Variants in CENPI observed in about 807,000 individuals in gnomAD.
CENPI encodes the protein FSH primary response 1.
A neutral mutation model predicts 60.4 loss-of-function variants in CENPI; 4 were observed. The observed-to-expected ratio is 0.07, with a 90% CI of 0.03 to 0.15. CENPI has a LOEUF of 0.15. Ranked by LOEUF, CENPI falls within the 10% of genes least tolerant of loss-of-function variation. The pLI, the probability that CENPI is intolerant of heterozygous loss-of-function variation, is 1.00. For missense variants in CENPI, 444 were observed against 534.5 expected (o/e 0.83, Z 1.67); for synonymous variants, 157 against 189.4 (o/e 0.83, Z 1.40).
intron 4 of CENPI, among the ~76,000 whole-genome samples, chrX:101,106,512 G>A (rs1263937975): frequency 9.2e-6 from 1 of 108,404 alleles, no homozygotes; most frequent in East Asian, 2.9e-4. Context: ...CGCCTCCCGG[G>A]TTCAAGCGAT....
chrX:101,105,548 T>C (rs938560435), intron 4 of CENPI, among the ~76,000 whole-genome samples: 1 of 111,406 alleles, frequency 9.0e-6, no homozygotes, highest in African/African-American at 3.3e-5. Flanking sequence ...AAAAACAACA[T>C]GTATGGAGTA....
chrX:101,140,057 C>T (rs1359762134), intron 15 of CENPI, among the ~76,000 whole-genome samples: 3 of 110,997 alleles, frequency 2.7e-5, no homozygotes, highest in African/African-American at 6.5e-5. Flanking sequence ...AGGATGGTCT[C>T]GATCTGCTGA....
chrX:101,108,647 A>G (rs1439803631), intron 4 of CENPI, among the ~76,000 whole-genome samples: 1 of 82,716 alleles, frequency 1.2e-5, no homozygotes, highest in African/African-American at 4.5e-5. Flanking sequence ...TTTGCCTTAT[A>G]GTTTTTTTTT....
At chrX:101,139,992 G>T (rs1042895316) in intron 15 of CENPI, among the ~76,000 whole-genome samples, 1 of 110,125 alleles carries the variant, frequency 9.1e-6, no homozygotes, top group African/African-American at 3.3e-5. Flanking sequence ...CCGCCACCAC[G>T]CCTGGCTAAT....
At chrX:101,158,272 C>CT (rs35564589) in intron 20 of CENPI, among the ~76,000 whole-genome samples, 2,625 of 65,809 alleles carry the variant, frequency 0.04, 160 homozygotes, top group African/African-American at 0.12. Context: ...GGCAGTATGG[C>CT]TTTTTTTTTT....
chrX:101,115,114 C>T (rs182736178), intron 6 of CENPI, among the ~76,000 whole-genome samples: 213 of 109,262 alleles, frequency 1.9e-3, no homozygotes, highest in Middle Eastern at 0.014. Context: ...CAGGCCTGCA[C>T]CACCACGCCT....
rs142009405 is a variant in CENPI at position 101,148,092 on chromosome X, A to G, written c.2025A>G (p.Glu675=). The G allele has an allele frequency of 3.1e-5, 37 of 1,181,256 alleles. No individual in the cohort carries two copies. In the African/African-American group the frequency reaches 6.5e-4, roughly 21 times the overall value. ...TCCTAGAAAAAACTGGAGTGGCTGAATATAAAAACAGTTTAAATGTAGTCC... is the reference window on the plus strand; with the variant it reads ...TCCTAGAAAAAACTGGAGTGGCTGAGTATAAAAACAGTTTAAATGTAGTCC... ...PEILEKTGVA[E]YKNSLNVVHH... The change falls in exon 20 of 22, where the codon GAA becomes GAG. Residue 675 remains glutamate, a synonymous_variant. Transcript: ENST00000682095.
Position 101,150,108 on chromosome X carries a change from T to C in CENPI, c.2094+1947T>C, listed in dbSNP as rs147778280. Among the ~76,000 whole-genome samples, 45 of 109,456 alleles carry C rather than the reference T, an allele frequency of 4.1e-4. No individual in the cohort carries two copies. In the East Asian group the frequency reaches 6.5e-3, roughly 16 times the overall value. ...TTTCAGAGACATTATAGTGATTTTCTGATATTTCTTGTCTTTTTCTCTTTT... is the reference window on the plus strand; with the variant it reads ...TTTCAGAGACATTATAGTGATTTTCCGATATTTCTTGTCTTTTTCTCTTTT... On this transcript the variant is annotated intron_variant, in intron 20 of 21. Coordinates refer to ENST00000682095, the MANE Select transcript of CENPI (RefSeq NM_001386188.2).
chrX:101,100,376 G>A (rs1267758364), intron 2 of CENPI: 1 of 111,131 alleles, frequency 9.0e-6, no homozygotes, highest in African/African-American at 3.3e-5. Context: ...GGGGAAAATA[G>A]GAGTGGAGAA....
intron 4 of CENPI, 111 bp from the exon 5 acceptor site, chrX:101,109,362 T>G: frequency 2.0e-5 from 12 of 591,743 alleles, no homozygotes; most frequent in Non-Finnish European, 3.0e-5. Context: ...ATTACAGGCA[T>G]GAGCTGCCGC....
intron 21 of CENPI, among the ~76,000 whole-genome samples, chrX:101,162,130 G>A (rs1248861770): frequency 9.2e-6 from 1 of 108,919 alleles, no homozygotes; most frequent in African/African-American, 3.4e-5. Context: ...TAGTAGAGAA[G>A]ATGTTTTTCC....
At chrX:101,156,752 T>G (rs1388343955) in intron 20 of CENPI, among the ~76,000 whole-genome samples, 1 of 109,270 alleles carries the variant, frequency 9.2e-6, no homozygotes, top group Non-Finnish European at 1.9e-5. Flanking sequence ...TATACGATGT[T>G]TTTTTTTTCA....
chrX:101,146,307 C>T, intron 18 of CENPI, 30 bp downstream of exon 18: 2 of 1,159,517 alleles, frequency 1.7e-6, no homozygotes, highest in Non-Finnish European at 2.3e-6. Context: ...TTTTATGAAA[C>T]AGTGTATTAT....
At chrX:101,178,586 T>C in the CENPI span, among the ~76,000 whole-genome samples, 6 of 109,279 alleles carry the variant, frequency 5.5e-5, no homozygotes, top group African/African-American at 1.3e-4. Context: ...AATTTTTGTA[T>C]TTTTATTAGA....
At chrX:101,153,124 A>G (rs1003227408) in intron 20 of CENPI, among the ~76,000 whole-genome samples, 1 of 110,127 alleles carries the variant, frequency 9.1e-6, no homozygotes, top group Non-Finnish European at 1.9e-5. Flanking sequence ...GGTTCTAGCC[A>G]TCCTGGAAGT....
chrX:101,167,402 C>T (rs747313679), downstream of CENPI, among the ~76,000 whole-genome samples: 27 of 111,940 alleles, frequency 2.4e-4, no homozygotes, highest in Non-Finnish European at 4.3e-4. Context: ...CCCTTGCATC[C>T]ATTTGTATGC....
At chrX:101,140,399 G>C (rs773951755) in intron 15 of CENPI, among the ~76,000 whole-genome samples, 3 of 112,194 alleles carry the variant, frequency 2.7e-5, no homozygotes, top group Non-Finnish European at 5.6e-5. Context: ...GTTATAAATT[G>C]ATGTAATTTA....
chrX:101,125,492 G>A (rs2089725545), intron 8 of CENPI, among the ~76,000 whole-genome samples: 1 of 111,277 alleles, frequency 9.0e-6, no homozygotes, highest in Admixed American at 9.6e-5. Context: ...TGCCTCCCAG[G>A]TTCAAGCCAT....
intron 16 of CENPI, among the ~76,000 whole-genome samples, chrX:101,141,609 G>A (rs2089915575): frequency 8.9e-6 from 1 of 111,897 alleles, no homozygotes; most frequent in Admixed American, 9.6e-5. Context: ...TTTCCAAAGT[G>A]CTGGGATTAC....
Sources: gnomAD v4.1 joint callset for allele counts (sites outside exome capture counted in the v4.1 genomes callset) on GRCh38, gnomAD v4.1.1 for gene constraint, MANE v1.5 for transcripts, NCBI Gene and HGNC (gene_info 2026-07-23, HGNC 2026-07-21) for gene names.